The following INVS variants were observed in gnomAD, a reference collection of about 807,000 sequenced individuals.
The protein encoded by INVS is inversin, also known as inversion of embryo turning homolog.
INVS carries 86 observed loss-of-function variants against 108.8 expected under a neutral mutation model. The ratio of observed to expected loss-of-function variants is 0.79; its 90% CI spans 0.66 to 0.95. The LOEUF (loss-of-function observed/expected upper bound fraction) is 0.95, where lower values mean the gene tolerates loss of function less well. INVS is among the 40% of genes least tolerant of loss of function. The pLI is 0.00. For missense variants in INVS, 1,169 were observed against 1,297.4 expected (o/e 0.90, Z 1.52); for synonymous variants, 455 against 473.5 (o/e 0.96, Z 0.51).
At chr9:100,195,262 G>A (rs1257604259) in intron 3 of INVS, among the ~76,000 whole-genome samples, 1 of 152,170 alleles carries the variant, frequency 6.6e-6, no homozygotes, top group East Asian at 1.9e-4. Flanking sequence ...AAGAGTTGGT[G>A]TTGAATATTG....
Position 100,189,106 on chromosome 9 carries a change from C to CTTTTTTTTTTTT in INVS, c.274-36946_274-36935dup, listed in dbSNP as rs60762136. Among the ~76,000 whole-genome samples, 58 of 69,512 alleles carry CTTTTTTTTTTTT rather than the reference C, an allele frequency of 8.3e-4. 1 individual carries two copies. The highest frequency in any genetic ancestry group is 1.8e-3 in the African/African-American group (27 of 14,730). The allele number at this position is 69,512 out of a possible 152,430, so 45.6% of individuals were successfully genotyped here. A position where few individuals can be genotyped will look rare whatever the true frequency, so the allele number is the denominator to read the frequency against. On this transcript the variant is annotated intron_variant, in intron 3 of 16. Coordinates refer to ENST00000262457, the MANE Select transcript of INVS (RefSeq NM_014425.5). ...TTCTAATGGAACTTATTTGCATCTTCTTTTTTTTTTTTTTTTTTTTTGGTT... is the reference window on the plus strand; with the variant it reads ...TTCTAATGGAACTTATTTGCATCTTCTTTTTTTTTTTTTTTTTTTTTTTTTTTTTTTTTGGTT...
At chr9:100,134,899 G>C (rs538691104) in intron 3 of INVS, among the ~76,000 whole-genome samples, 15 of 152,274 alleles carry the variant, frequency 9.9e-5, no homozygotes, top group African/African-American at 3.6e-4. Flanking sequence ...ACATTATGTT[G>C]AGTGGAACAA....
At chr9:100,204,131 T>G (rs1228369590) in intron 3 of INVS, among the ~76,000 whole-genome samples, 1 of 152,200 alleles carries the variant, frequency 6.6e-6, no homozygotes, top group Non-Finnish European at 1.5e-5. Flanking sequence ...AAAGTTGTTT[T>G]ATTCATCACA....
Position 100,292,769 on chromosome 9 carries a change from G to C in INVS, c.2512G>C (p.Ala838Pro), listed in dbSNP as rs1404373738. The C allele has an allele frequency of 3.1e-6, 5 of 1,614,156 alleles. No homozygotes were observed. In the East Asian group the frequency reaches 6.7e-5, roughly 22 times the overall value. Residue 838 changes from alanine to proline, a missense_variant, in exon 14 of 17, where the codon GCC (alanine) becomes CCC (proline). Physicochemically the swap from Ala to Pro is conservative, Grantham distance 27 (BLOSUM62 -1). This residue lies in a region of INVS where 533 missense variants were observed against 536.0 expected (regional missense o/e 0.99). Coordinates refer to ENST00000262457, the MANE Select transcript of INVS (RefSeq NM_014425.5). ...TACACCAAGAAACAAAGTGACACAA[G>C]CCAAGCTCACAGGAGGGCTCTATTC... ...HRTPRNKVTQ[A>P]KLTGGLYSHL... is the part of the protein sequence containing the mutation.
rs765242072 is a variant in INVS, at chr9:100,292,736, C to T, written c.2479C>T (p.His827Tyr). Residue 827 changes from histidine to tyrosine, a missense_variant, in exon 14 of 17, where the codon CAC (histidine) becomes TAC (tyrosine). By Grantham distance (83) the His-to-Tyr change is moderately conservative. Coordinates refer to ENST00000262457, the MANE Select transcript of INVS (RefSeq NM_014425.5). Reference sequence around the variant, plus strand: ...GGTCCATGCTGGGCAGAATCCTCCCCACCATCGTACACCAAGAAACAAAGT... The same window carrying T: ...GGTCCATGCTGGGCAGAATCCTCCCTACCATCGTACACCAAGAAACAAAGT... ...EAVHAGQNPPHHRTPRNKVTQ... is the reference protein window; with the variant it reads ...EAVHAGQNPPYHRTPRNKVTQ... 1.9e-6 allele frequency: 3 copies of T among 1,614,174 alleles called. No homozygotes were observed. Among genetic ancestry groups the T allele is most frequent in the Non-Finnish European group, 8.5e-7 (1 of 1,180,048 alleles).
At chr9:100,209,105 G>A (rs773590198) in intron 3 of INVS, among the ~76,000 whole-genome samples, 1 of 151,968 alleles carries the variant, frequency 6.6e-6, no homozygotes, top group Non-Finnish European at 1.5e-5. Flanking sequence ...TAGCATTTTT[G>A]GATCCCCTAA....
intron 3 of INVS, among the ~76,000 whole-genome samples, chr9:100,154,103 C>T (rs767378111): frequency 6.6e-6 from 1 of 152,072 alleles, no homozygotes; most frequent in African/African-American, 2.4e-5. Flanking sequence ...AATGTATACA[C>T]AGGGTTATTT....
intron 12 of INVS, among the ~76,000 whole-genome samples, chr9:100,278,199 C>T (rs902761233): frequency 7.3e-6 from 1 of 137,298 alleles, no homozygotes; most frequent in Non-Finnish European, 1.5e-5. Flanking sequence ...TATTGCACTC[C>T]AGCCTGGAAG....
intron 2 of INVS, among the ~76,000 whole-genome samples, chr9:100,106,092 C>T (rs548796667): frequency 7.2e-5 from 11 of 151,966 alleles, no homozygotes; most frequent in African/African-American, 2.4e-4. Context: ...TGCCAGTTCC[C>T]CCTCCTTTCA....
At chr9:100,286,012 T>A (rs1233507011) in intron 13 of INVS, among the ~76,000 whole-genome samples, 3 of 152,216 alleles carry the variant, frequency 2.0e-5, no homozygotes, top group Non-Finnish European at 4.4e-5. Context: ...ATGGACTTTC[T>A]CAGAAAGGGG....
In INVS at chr9:100,229,639, G is replaced by A. The variant is rs371281440; in HGVS notation, c.448-21G>A. 726 of 1,612,612 alleles carry A rather than the reference G, an allele frequency of 4.5e-4. 5 individuals are homozygous for A. The South Asian group carries it at 6.4e-3, about 14-fold the overall frequency. On this transcript the variant is annotated intron_variant, in intron 4 of 16. Transcript: ENST00000262457. ...AGTTAGTTGTTACTGTTGTTATTTCGAGAACCTCTCGATTTTGCAGCAAAC... is the reference window on the plus strand; with the variant it reads ...AGTTAGTTGTTACTGTTGTTATTTCAAGAACCTCTCGATTTTGCAGCAAAC...
chr9:100,116,846 G>T, intron 2 of INVS: 2 of 1,259,680 alleles, frequency 1.6e-6, no homozygotes, highest in Non-Finnish European at 2.2e-6. Context: ...CTGACAGGGA[G>T]ACTTGGTAAA....
intron 2 of INVS, among the ~76,000 whole-genome samples, chr9:100,116,130 G>A (rs1827516500): frequency 1.4e-5 from 2 of 143,708 alleles, no homozygotes; most frequent in Non-Finnish European, 3.0e-5. Flanking sequence ...TTGAGACAGG[G>A]TCATACTCTG....
At chr9:100,266,521 G>A (rs1277243944) in intron 11 of INVS, among the ~76,000 whole-genome samples, 2 of 152,158 alleles carry the variant, frequency 1.3e-5, no homozygotes, top group African/African-American at 4.8e-5. Context: ...TGGGAGTGTA[G>A]CAGTGAGGAC....
chr9:100,100,575 T>C (rs1025404256), intron 1 of INVS, among the ~76,000 whole-genome samples: 1 of 102,624 alleles, frequency 9.7e-6, no homozygotes, highest in South Asian at 2.5e-4. Context: ...AAAGTATATA[T>C]ATATAATATA....
intron 1 of INVS, chr9:100,102,109 T>A (rs1385469025): frequency 2.3e-5 from 2 of 87,876 alleles, no homozygotes; most frequent in African/African-American, 9.9e-5. Context: ...ATTTTATTTT[T>A]TTTGAGACAG....
chr9:100,112,106 G>A (rs994832852), intron 2 of INVS, among the ~76,000 whole-genome samples: 3 of 151,926 alleles, frequency 2.0e-5, no homozygotes, highest in African/African-American at 7.3e-5. Context: ...CGAGTACCTG[G>A]GACCACAGGT....
At chr9:100,291,562 C>T (rs183101030) in intron 13 of INVS, among the ~76,000 whole-genome samples, 9 of 152,204 alleles carry the variant, frequency 5.9e-5, no homozygotes, top group Non-Finnish European at 1.0e-4. Flanking sequence ...CAGAGGACTC[C>T]GTTGTGCAGC....
At chr9:100,100,586 T>C (rs1247488776) in intron 1 of INVS, among the ~76,000 whole-genome samples, 2 of 97,858 alleles carry the variant, frequency 2.0e-5, no homozygotes, top group Non-Finnish European at 3.9e-5. Context: ...ATATAATATA[T>C]ATAATATATG....
Sources: gnomAD v4.1 joint callset for allele counts (sites outside exome capture counted in the v4.1 genomes callset) on GRCh38, gnomAD v4.1.1 for gene constraint, gnomAD v4.1.1 regional missense constraint, MANE v1.5 for transcripts, NCBI Gene and HGNC (gene_info 2026-07-23, HGNC 2026-07-21) for gene names.